The following GREB1L variants were observed in gnomAD, a reference collection of about 807,000 sequenced individuals.
GREB1L encodes GREB1-like protein.
In GREB1L, 17 loss-of-function variants were observed where a neutral mutation model predicts 200.8. The observed-to-expected ratio is 0.08, with a 90% CI of 0.06 to 0.13. The LOEUF (loss-of-function observed/expected upper bound fraction) is 0.13, where lower values mean the gene tolerates loss of function less well. GREB1L is among the 10% of genes least tolerant of loss of function. The pLI is 1.00. For synonymous variants in GREB1L, 789 were observed against 893.0 expected (o/e 0.88, Z 2.08); for missense variants, 1,657 against 2,367.7 (o/e 0.70, Z 6.23).
intron 17 of GREB1L, among the ~76,000 whole-genome samples, chr18:21,478,528 A>G (rs2035797129): frequency 6.6e-6 from 1 of 152,230 alleles, no homozygotes; most frequent in Non-Finnish European, 1.5e-5. Context: ...TTATTCTGTC[A>G]TGAAGTAGGT....
At chr18:21,375,832 C>T (rs1205753606) in intron 2 of GREB1L, among the ~76,000 whole-genome samples, 1 of 152,142 alleles carries the variant, frequency 6.6e-6, no homozygotes, top group Non-Finnish European at 1.5e-5. Context: ...CTCTTGCAAT[C>T]ACTGAAGGGA....
chr18:21,387,602 A>G (rs909684306), intron 4 of GREB1L: 1 of 152,240 alleles, frequency 6.6e-6, no homozygotes, highest in African/African-American at 2.4e-5. Context: ...AAGAAAGATC[A>G]CATCAGTCCT....
intron 7 of GREB1L, among the ~76,000 whole-genome samples, chr18:21,411,330 C>T (rs1213562426): frequency 6.6e-6 from 1 of 151,996 alleles, no homozygotes; most frequent in African/African-American, 2.4e-5. Flanking sequence ...CCTCAGCCTC[C>T]CGAGTAGCTG....
At chr18:21,363,287 GCCC>G (rs1224570798) in intron 1 of GREB1L, among the ~76,000 whole-genome samples, 1 of 8,268 alleles carries the variant, frequency 1.2e-4, no homozygotes, top group African/African-American at 5.6e-4. Flanking sequence ...CCTCCCCCCC[GCCC>G]CCCCCCCCCC....
chr18:21,278,401 TAAATA>T (rs2038212069), intron 1 of GREB1L, among the ~76,000 whole-genome samples: 2 of 131,172 alleles, frequency 1.5e-5, no homozygotes, highest in Non-Finnish European at 3.2e-5. Flanking sequence ...AATAAATAAA[TAAATA>T]AATAAATAAA....
Position 21,326,067 on chromosome 18 carries a change from C to T in GREB1L, c.-119-39960C>T, listed in dbSNP as rs139825917. 3.0e-4 allele frequency among the ~76,000 whole-genome samples: 45 copies of T among 151,768 alleles called. 1 individual carries two copies. In the East Asian group the frequency reaches 8.7e-3, roughly 29 times the overall value. ...TAAATAAAACTATTTACCAAATGTC[C>T]CCAAGCAGGGAATTGGTTAATAAAT... On this transcript the variant is annotated intron_variant, in intron 1 of 32. Coordinates refer to ENST00000424526, the MANE Select transcript of GREB1L (RefSeq NM_001142966.3).
intron 2 of GREB1L, among the ~76,000 whole-genome samples, chr18:21,371,589 C>T (rs923822943): frequency 6.6e-6 from 1 of 151,508 alleles, no homozygotes; most frequent in Non-Finnish European, 1.5e-5. Flanking sequence ...AGATCGAGAC[C>T]ATCCTGGCTT....
Position 21,500,550 on chromosome 18 carries a change from C to T in GREB1L, c.3980C>T (p.Thr1327Met), listed in dbSNP as rs375805199. 5.8e-6 allele frequency: 9 copies of T among 1,548,714 alleles called. No homozygotes were observed. Among genetic ancestry groups the T allele is most frequent in the African/African-American group, 1.4e-5 (1 of 72,934 alleles). The change falls in exon 23 of 33, where the codon ACG (threonine) becomes ATG (methionine). Residue 1327 changes from threonine to methionine, a missense_variant. This residue lies in a region of GREB1L where 512 missense variants were observed against 668.3 expected (regional missense o/e 0.77). Transcript: ENST00000424526. ...AAATCTTTCCATTAGGTGGGAAAGA[C>T]GGGCTCCTATTTACAGTTCCTCAGG... is the stretch of plus-strand genomic sequence containing the variant. Reference protein sequence around the residue: ...LLTGPPQVGKTGSYLQFLRIL... With the variant: ...LLTGPPQVGKMGSYLQFLRIL...
intron 1 of GREB1L, among the ~76,000 whole-genome samples, chr18:21,333,971 C>T (rs578078054): frequency 3.3e-5 from 5 of 149,534 alleles, no homozygotes; most frequent in African/African-American, 1.2e-4. Context: ...GACCGACTGA[C>T]GAAGATCTTG....
chr18:21,443,433 C>T (rs1335477508), intron 10 of GREB1L, among the ~76,000 whole-genome samples: 1 of 152,136 alleles, frequency 6.6e-6, no homozygotes, highest in African/African-American at 2.4e-5. Flanking sequence ...TCTCAAACTC[C>T]CGACCTCAGG....
intron 10 of GREB1L, among the ~76,000 whole-genome samples, chr18:21,443,451 C>T (rs956042502): frequency 6.6e-6 from 1 of 152,212 alleles, no homozygotes; most frequent in Non-Finnish European, 1.5e-5. Flanking sequence ...AGGTGATCCA[C>T]CCGCCTGGGC....
chr18:21,281,398 G>C lies in GREB1L; in HGVS notation c.-120+39005G>C, dbSNP rs1478215354. Among the ~76,000 whole-genome samples the C allele has an allele frequency of 3.3e-5, 5 of 152,184 alleles. No homozygotes were observed. In the East Asian group the frequency reaches 9.7e-4, roughly 29 times the overall value. On this transcript the variant is annotated intron_variant, in intron 1 of 32. Transcript: ENST00000424526. ...ATTTACTTCTGTCTTTTGTCCTTCT[G>C]ATTTCATGCCTTTAAAAACCTCTTT... is the stretch of plus-strand genomic sequence containing the variant.
chr18:21,383,653 C>G lies in GREB1L; in HGVS notation c.135C>G (p.Asp45Glu). ...PIFSQLYLDP[D>E]QHPFSSADVK... Reference sequence around the variant, plus strand: ...TTTCCCAGCTATACCTGGACCCTGACCAGCATCCTTTCTCATCTGCAGGTA... The same window carrying G: ...TTTCCCAGCTATACCTGGACCCTGAGCAGCATCCTTTCTCATCTGCAGGTA... Residue 45 changes from aspartate (D) to glutamate (E), a missense_variant, in exon 3 of 33, where the codon GAC becomes GAG. Asp to Glu is a conservative substitution (Grantham distance 45). Transcript: ENST00000424526. 6.4e-7 allele frequency: 1 copy of G among 1,550,886 alleles called. No homozygotes were observed. The highest frequency in any genetic ancestry group is 2.0e-5 in the Admixed American group (1 of 50,750).
chr18:21,499,486 G>A (rs960450466), intron 21 of GREB1L, among the ~76,000 whole-genome samples: 11 of 152,198 alleles, frequency 7.2e-5, no homozygotes, highest in African/African-American at 2.7e-4. Context: ...CATGCAGGGG[G>A]AAGCCACAGA....
chr18:21,302,790 C>T (rs1452179981), intron 1 of GREB1L, among the ~76,000 whole-genome samples: 1 of 152,018 alleles, frequency 6.6e-6, no homozygotes, highest in Non-Finnish European at 1.5e-5. Flanking sequence ...GGCGTGATCT[C>T]GGCTCACTGC....
In GREB1L at chr18:21,500,036, C is replaced by T. The variant is rs1329600571; in HGVS notation, c.3699C>T (p.Ile1233=). Residue 1233 remains isoleucine, a synonymous_variant, in exon 22 of 33, where the codon ATC becomes ATT. Coordinates refer to ENST00000424526, the MANE Select transcript of GREB1L (RefSeq NM_001142966.3). ...GPQAALPPVV[I]LSKAAYSLLG... is the part of the protein sequence containing the mutation. ...AGGCAGCCCTGCCACCAGTGGTGAT[C>T]CTATCCAAAGCGGCCTACAGTCTCC... 2 of 1,551,480 alleles carry T rather than the reference C, an allele frequency of 1.3e-6. No homozygotes were observed. The highest frequency in any genetic ancestry group is 1.7e-6 in the Non-Finnish European group (2 of 1,146,990).
intron 17 of GREB1L, among the ~76,000 whole-genome samples, chr18:21,481,064 A>T (rs778991805): frequency 6.6e-6 from 1 of 152,184 alleles, no homozygotes; most frequent in Non-Finnish European, 1.5e-5. Context: ...AGCAAAGTAC[A>T]TATCTAAGTC....
intron 11 of GREB1L, among the ~76,000 whole-genome samples, chr18:21,448,341 T>G (rs912187426): frequency 1.3e-5 from 2 of 152,196 alleles, no homozygotes; most frequent in African/African-American, 4.8e-5. Context: ...ATTAAAATTG[T>G]TGTTTTTATA....
rs372590659 is a variant in GREB1L, at chr18:21,344,109, T to C, written c.-119-21918T>C. 9.9e-5 allele frequency among the ~76,000 whole-genome samples: 15 copies of C among 152,236 alleles called. No individual in the cohort carries two copies. In the East Asian group the frequency reaches 1.2e-3, roughly 12 times the overall value. On this transcript the variant is annotated intron_variant, in intron 1 of 32. Transcript: ENST00000424526. ...AACTCCAAGTCTGAACACTTAAAAATCACTGCTTGAGGCTGGGTGCGGTGG... is the reference window on the plus strand; with the variant it reads ...AACTCCAAGTCTGAACACTTAAAAACCACTGCTTGAGGCTGGGTGCGGTGG...
Sources: allele counts gnomAD v4.1 joint callset (sites outside exome capture counted in the v4.1 genomes callset), GRCh38; gene constraint gnomAD v4.1.1; regional missense constraint gnomAD v4.1.1; transcripts MANE v1.5; gene names NCBI Gene and HGNC (gene_info 2026-07-23, HGNC 2026-07-21).